Variants in SYNDIG1L observed in about 807,000 individuals in gnomAD.
The protein encoded by SYNDIG1L is synapse differentiation inducing 1 like, also known as synapse differentiation-inducing gene protein 1-like.
In SYNDIG1L, 13 loss-of-function variants were observed where a neutral mutation model predicts 20.1. The observed-to-expected ratio is 0.65, with a 90% CI of 0.42 to 1.03. The LOEUF (loss-of-function observed/expected upper bound fraction) is 1.03. Ranked by LOEUF, SYNDIG1L falls within the 50% of genes least tolerant of loss-of-function variation. The pLI, the probability that SYNDIG1L is intolerant of heterozygous loss-of-function variation, is 0.00. For missense variants in SYNDIG1L, 294 were observed against 305.1 expected, an observed-to-expected ratio of 0.96 and a Z score of 0.27; for synonymous variants, 128 against 129.3, an observed-to-expected ratio of 0.99 and a Z score of 0.07.
chr14:74,455,728 C>G, the SYNDIG1L span, among the ~76,000 whole-genome samples: 2 of 152,126 alleles, frequency 1.3e-5, no homozygotes, highest in Non-Finnish European at 2.9e-5. Context: ...TCCTTCTTAC[C>G]CAATCCGACC....
At chr14:74,445,936 C>A in the SYNDIG1L span, among the ~76,000 whole-genome samples, 7 of 152,150 alleles carry the variant, frequency 4.6e-5, no homozygotes, top group South Asian at 2.1e-4. Context: ...AAAATAATAA[C>A]CCTATGAGGT....
Position 74,407,929 on chromosome 14 carries a change from C to T in SYNDIG1L, c.478G>A (p.Asp160Asn), listed in dbSNP as rs554305145. 1.4e-4 allele frequency: 230 copies of T among 1,613,610 alleles called. No individual in the cohort carries two copies. Among genetic ancestry groups the T allele is most frequent in the Non-Finnish European group, 1.3e-4 (153 of 1,179,792 alleles). The change falls in exon 3 of 4, where the codon GAC becomes AAC. Residue 160 changes from aspartate (D) to asparagine (N), a missense_variant. Transcript: ENST00000331628. ...EDNFLTLPPR[D>N]HLGLTLFSML... ...GAGAAGAGAGTAAGTCCCAGGTGGT[C>T]CCTGGGAGGCAGCGTGAGGAAGTTG...
chr14:74,428,402 TC>T (rs1253079035), upstream of SYNDIG1L, among the ~76,000 whole-genome samples: 1 of 152,178 alleles, frequency 6.6e-6, no homozygotes, highest in Non-Finnish European at 1.5e-5. Context: ...ATCCCTCCCT[TC>T]CTTTTTCCAT....
chr14:74,469,070 G>T, the SYNDIG1L span, among the ~76,000 whole-genome samples: 1 of 152,092 alleles, frequency 6.6e-6, no homozygotes, highest in African/African-American at 2.4e-5. Flanking sequence ...CCATGGTGAG[G>T]TTATATGGGC....
chr14:74,435,082 C>CAAA, the SYNDIG1L span, among the ~76,000 whole-genome samples: 19 of 54,976 alleles, frequency 3.5e-4, no homozygotes, highest in African/African-American at 8.5e-4. Context: ...GACTCCGTCT[C>CAAA]AAAAAAAAAA....
At chr14:74,409,223 C>A (rs1489992929) in intron 2 of SYNDIG1L, 105 bp downstream of exon 2, 4 of 841,068 alleles carry the variant, frequency 4.8e-6, no homozygotes, top group East Asian at 2.7e-5. Context: ...GGACCACAGG[C>A]ACATGCCACC....
chr14:74,435,703 G>A, the SYNDIG1L span, among the ~76,000 whole-genome samples: 1 of 152,210 alleles, frequency 6.6e-6, no homozygotes, highest in South Asian at 2.1e-4. Context: ...TGTTCTCCCA[G>A]CATCACTGAG....
the SYNDIG1L span, among the ~76,000 whole-genome samples, chr14:74,449,639 A>G: frequency 2.7e-4 from 41 of 151,242 alleles, no homozygotes; most frequent in Non-Finnish European, 1.6e-4. Context: ...AAGAAAAAAG[A>G]AAAAGAAAAA....
chr14:74,442,848 C>A, the SYNDIG1L span, among the ~76,000 whole-genome samples: 1 of 152,024 alleles, frequency 6.6e-6, no homozygotes, highest in Non-Finnish European at 1.5e-5. Flanking sequence ...AGGAATTTGT[C>A]CTGAATGATG....
At chr14:74,444,795 CAGG>C in the SYNDIG1L span, among the ~76,000 whole-genome samples, 29 of 152,096 alleles carry the variant, frequency 1.9e-4, no homozygotes, top group East Asian at 5.6e-3. Flanking sequence ...ATCCAAAAAA[CAGG>C]AGTTCTATTG....
chr14:74,431,356 G>A, the SYNDIG1L span, among the ~76,000 whole-genome samples: 1 of 152,146 alleles, frequency 6.6e-6, no homozygotes, highest in Non-Finnish European at 1.5e-5. Context: ...GCCTTCCTGT[G>A]GGTCTGGGGA....
At chr14:74,476,121 C>A in the SYNDIG1L span, 1 of 330,782 alleles carries the variant, frequency 3.0e-6, no homozygotes, top group Non-Finnish European at 5.6e-6. Flanking sequence ...GAATCTCCAT[C>A]AAACCTCATC....
chr14:74,448,580 G>A, the SYNDIG1L span, among the ~76,000 whole-genome samples: 936 of 152,120 alleles, frequency 6.2e-3, 14 homozygotes, highest in African/African-American at 0.021. Flanking sequence ...TTCTATATCC[G>A]TGCTTTTTAA....
At chr14:74,409,048 T>TTTA (rs2086108275) in intron 2 of SYNDIG1L, among the ~76,000 whole-genome samples, 1 of 139,750 alleles carries the variant, frequency 7.2e-6, no homozygotes, top group Admixed American at 7.2e-5. Context: ...GGAACTTGCA[T>TTTA]TTTATTTATT....
chr14:74,469,820 A>G, the SYNDIG1L span, among the ~76,000 whole-genome samples: 5 of 152,204 alleles, frequency 3.3e-5, no homozygotes, highest in African/African-American at 1.2e-4. Flanking sequence ...AGTAACCTTT[A>G]GGTGCTTTCC....
chr14:74,465,576 C>T, the SYNDIG1L span, among the ~76,000 whole-genome samples: 1 of 152,138 alleles, frequency 6.6e-6, no homozygotes, highest in Admixed American at 6.5e-5. Flanking sequence ...AGAAGTATCC[C>T]AGAGAAAGGA....
the SYNDIG1L span, among the ~76,000 whole-genome samples, chr14:74,457,293 C>A: frequency 6.6e-6 from 1 of 152,092 alleles, no homozygotes; most frequent in African/African-American, 2.4e-5. Flanking sequence ...CAGCCCTTGC[C>A]TCCCCATTCC....
intron 1 of SYNDIG1L, among the ~76,000 whole-genome samples, chr14:74,413,024 A>T (rs935283877): frequency 5.9e-5 from 9 of 152,186 alleles, no homozygotes; most frequent in African/African-American, 2.2e-4. Context: ...CTGTCTCACC[A>T]GGAGGACTGC....
At chr14:74,444,671 A>G in the SYNDIG1L span, among the ~76,000 whole-genome samples, 1 of 151,984 alleles carries the variant, frequency 6.6e-6, no homozygotes, top group African/African-American at 2.4e-5. Context: ...GGATCACTGG[A>G]GCCTGGGAGG....
Sources: allele counts gnomAD v4.1 joint callset (sites outside exome capture counted in the v4.1 genomes callset), GRCh38; gene constraint gnomAD v4.1.1; transcripts MANE v1.5; gene names NCBI Gene and HGNC (gene_info 2026-07-23, HGNC 2026-07-21).